Variants in SNTB1 observed in about 807,000 individuals in gnomAD.
SNTB1 encodes syntrophin beta 1.
SNTB1 carries 36 observed loss-of-function variants against 48.9 expected under a neutral mutation model. That is an observed-to-expected ratio of 0.74 (90% CI 0.56 to 0.97). The LOEUF (loss-of-function observed/expected upper bound fraction) is 0.97, where lower values mean the gene tolerates loss of function less well. Among genes scored for constraint, SNTB1 ranks in the 50% least tolerant of loss-of-function variants. SNTB1 has a pLI of 0.00. For missense variants in SNTB1, 786 were observed against 703.4 expected (o/e 1.12, Z -1.33); for synonymous variants, 299 against 294.6 (o/e 1.01, Z -0.15).
chr8:120,706,621 A>G (rs1818379978), intron 1 of SNTB1, among the ~76,000 whole-genome samples: 1 of 152,194 alleles, frequency 6.6e-6, no homozygotes, highest in Non-Finnish European at 1.5e-5. Flanking sequence ...GAAGTGAGTA[A>G]CAGGCAGAAA....
intron 1 of SNTB1, among the ~76,000 whole-genome samples, chr8:120,778,915 C>T (rs796118179): frequency 1.1e-4 from 17 of 152,294 alleles, no homozygotes; most frequent in African/African-American, 4.1e-4. Flanking sequence ...CAGCATGATG[C>T]ATGCATCTGT....
chr8:120,560,643 G>A (rs1815637369), intron 4 of SNTB1, among the ~76,000 whole-genome samples: 1 of 152,304 alleles, frequency 6.6e-6, no homozygotes, highest in Non-Finnish European at 1.5e-5. Flanking sequence ...ACAGCTTGGA[G>A]TCAATTCCTG....
chr8:120,627,512 T>C (rs929215126), intron 3 of SNTB1, among the ~76,000 whole-genome samples: 1 of 152,246 alleles, frequency 6.6e-6, no homozygotes, highest in East Asian at 1.9e-4. Flanking sequence ...CTGATTGACA[T>C]AGTCAAGAAT....
intron 2 of SNTB1, among the ~76,000 whole-genome samples, chr8:120,673,570 C>T (rs888098155): frequency 2.0e-5 from 3 of 152,164 alleles, no homozygotes; most frequent in Non-Finnish European, 4.4e-5. Flanking sequence ...GGATTACAGG[C>T]GTAAGCTGCT....
intron 2 of SNTB1, among the ~76,000 whole-genome samples, chr8:120,649,622 T>G (rs1409787650): frequency 2.7e-5 from 4 of 145,832 alleles, no homozygotes; most frequent in African/African-American, 2.5e-5. Context: ...GTCTTTTTGT[T>G]TGTCTGTGCC....
intron 2 of SNTB1, among the ~76,000 whole-genome samples, chr8:120,655,990 G>A (rs1817495367): frequency 6.6e-6 from 1 of 152,198 alleles, no homozygotes; most frequent in Non-Finnish European, 1.5e-5. Flanking sequence ...TTAAGGAGGT[G>A]ACAACAGGGG....
chr8:120,776,738 AG>A (rs1169524027), intron 1 of SNTB1: 1 of 152,158 alleles, frequency 6.6e-6, no homozygotes, highest in Admixed American at 6.5e-5. Context: ...CAGTACCCCC[AG>A]GAGCTTGGCA....
chr8:120,780,084 T>TAAAAAAAAAAAAAAA (rs71571678), intron 1 of SNTB1, among the ~76,000 whole-genome samples: 1 of 135,356 alleles, frequency 7.4e-6, no homozygotes, highest in Non-Finnish European at 1.6e-5. Flanking sequence ...ATGATCTAGT[T>TAAAAAAAAAAAAAAA]AAAAAAAAAA....
chr8:120,620,089 T>C lies in SNTB1; in HGVS notation c.996+12355A>G, dbSNP rs574931883. 5.3e-3 allele frequency among the ~76,000 whole-genome samples: 805 copies of C among 151,940 alleles called. 4 individuals are homozygous for C. The highest frequency in any genetic ancestry group is 0.012 in the South Asian group (60 of 4,824). Reference sequence around the variant, plus strand: ...CTTAATAGAAGAAAGTGTGTGTGTGTGCACACACACACATATAGTAGCATT... The same window carrying C: ...CTTAATAGAAGAAAGTGTGTGTGTGCGCACACACACACATATAGTAGCATT... On this transcript the variant is annotated intron_variant, in intron 3 of 6. Transcript: ENST00000517992.
At chr8:120,684,025 A>G (rs1321038738) in intron 2 of SNTB1, among the ~76,000 whole-genome samples, 1 of 152,204 alleles carries the variant, frequency 6.6e-6, no homozygotes, top group Non-Finnish European at 1.5e-5. Flanking sequence ...TATAAACAAC[A>G]TACATTTATT....
intron 4 of SNTB1, among the ~76,000 whole-genome samples, chr8:120,567,416 C>T (rs1478378512): frequency 7.4e-6 from 1 of 134,716 alleles, no homozygotes; most frequent in African/African-American, 2.8e-5. Flanking sequence ...GGTTGAGCTC[C>T]TTTTTTTTTT....
chr8:120,542,173 T>G (rs1815299889), intron 5 of SNTB1, 173 bp from the exon 6 acceptor site: 4 of 582,170 alleles, frequency 6.9e-6, no homozygotes, highest in South Asian at 5.0e-5. Context: ...TATTTTGGTG[T>G]TGTAATTTTA....
intron 2 of SNTB1, among the ~76,000 whole-genome samples, chr8:120,675,635 G>C (rs1817821606): frequency 6.6e-6 from 1 of 152,082 alleles, no homozygotes; most frequent in Admixed American, 6.5e-5. Context: ...GCCAAAATTA[G>C]CCACAAGACC....
In SNTB1 at chr8:120,536,782, T is replaced by C. The variant is rs1299320398; in HGVS notation, c.*2095A>G. The C allele has an allele frequency of 1.3e-5, 2 of 152,112 alleles. No individual in the cohort carries two copies. Among genetic ancestry groups the C allele is most frequent in the African/African-American group, 4.8e-5 (2 of 41,452 alleles). The allele number at this position is 152,112 out of a possible 1,614,324, so 9.4% of individuals were successfully genotyped here. ...CAAAGCTTAAGTGATAAAGAAATCA[T>C]ATTTGTAATTATGATCATTTTAATT... is the stretch of plus-strand genomic sequence containing the variant. On this transcript the variant is annotated 3_prime_UTR_variant, in exon 7 of 7. Coordinates refer to ENST00000517992, the MANE Select transcript of SNTB1 (RefSeq NM_021021.4).
At chr8:120,706,074 T>C (rs1307972592) in intron 1 of SNTB1, among the ~76,000 whole-genome samples, 1 of 149,704 alleles carries the variant, frequency 6.7e-6, no homozygotes, top group South Asian at 2.1e-4. Context: ...TTAAATAATT[T>C]CAAAAAATGT....
At chr8:120,612,790 A>G (rs1415511387) in intron 3 of SNTB1, among the ~76,000 whole-genome samples, 1 of 152,206 alleles carries the variant, frequency 6.6e-6, no homozygotes, top group Non-Finnish European at 1.5e-5. Flanking sequence ...ATAATTATAC[A>G]TATTTGTGGC....
chr8:120,657,555 G>A (rs1817522896), intron 2 of SNTB1, among the ~76,000 whole-genome samples: 1 of 152,132 alleles, frequency 6.6e-6, no homozygotes, highest in Non-Finnish European at 1.5e-5. Flanking sequence ...TTTCTAGAAA[G>A]CATTTTGACT....
intron 5 of SNTB1, among the ~76,000 whole-genome samples, chr8:120,543,001 C>T (rs1278961566): frequency 2.0e-5 from 3 of 152,118 alleles, no homozygotes; most frequent in African/African-American, 4.8e-5. Flanking sequence ...ATCCAGGAAT[C>T]TCATGGGTGG....
chr8:120,791,411 C>T (rs1291997429), intron 1 of SNTB1, among the ~76,000 whole-genome samples: 5 of 151,772 alleles, frequency 3.3e-5, no homozygotes, highest in African/African-American at 9.7e-5. Context: ...GACTAAAACC[C>T]CGAAAGCAAA....
Sources: allele counts gnomAD v4.1 joint callset (sites outside exome capture counted in the v4.1 genomes callset), GRCh38; gene constraint gnomAD v4.1.1; transcripts MANE v1.5; gene names NCBI Gene and HGNC (gene_info 2026-07-23, HGNC 2026-07-21).